Variants in CPNE4 observed in about 807,000 individuals in gnomAD.
CPNE4 encodes copine 4, also known as copine-4.
A neutral mutation model predicts 67.9 loss-of-function variants in CPNE4; 25 were observed. The ratio of observed to expected loss-of-function variants is 0.37; its 90% CI spans 0.27 to 0.51. The LOEUF (loss-of-function observed/expected upper bound fraction) is 0.51, where lower values mean the gene tolerates loss of function less well. Ranked by LOEUF, CPNE4 falls within the 20% of genes least tolerant of loss-of-function variation. The probability of loss-of-function intolerance (pLI) is 0.93; values close to 1 mark genes in which losing one functional copy is unlikely to be tolerated. For synonymous variants in CPNE4, 242 were observed against 244.9 expected, an observed-to-expected ratio of 0.99 and a Z score of 0.11; for missense variants, 464 against 690.8, an observed-to-expected ratio of 0.67 and a Z score of 3.68.
intron 2 of CPNE4, among the ~76,000 whole-genome samples, chr3:131,875,627 A>G (rs989211218): frequency 6.7e-6 from 1 of 149,168 alleles, no homozygotes; most frequent in Non-Finnish European, 1.5e-5. Flanking sequence ...TGGGAATTGA[A>G]CAATGTGAAC....
chr3:131,624,493 C>T (rs2079011461), intron 7 of CPNE4, among the ~76,000 whole-genome samples: 1 of 151,992 alleles, frequency 6.6e-6, no homozygotes, highest in African/African-American at 2.4e-5. Flanking sequence ...TTTTTTGTCC[C>T]TTCCTCAATT....
chr3:131,789,670 C>T (rs1452921043), intron 2 of CPNE4, among the ~76,000 whole-genome samples: 1 of 152,168 alleles, frequency 6.6e-6, no homozygotes, highest in Non-Finnish European at 1.5e-5. Context: ...TAAAACACCA[C>T]TGAAGAAATA....
At chr3:131,946,841 A>G (rs2071565657) in intron 1 of CPNE4, among the ~76,000 whole-genome samples, 2 of 152,042 alleles carry the variant, frequency 1.3e-5, no homozygotes, top group Admixed American at 1.3e-4. Flanking sequence ...TCTTATATTT[A>G]TTTAGGTGTG....
intron 2 of CPNE4, among the ~76,000 whole-genome samples, chr3:131,856,706 T>C (rs1341866968): frequency 3.3e-5 from 5 of 152,004 alleles, no homozygotes; most frequent in African/African-American, 1.2e-4. Flanking sequence ...CCTTCCTGGC[T>C]AACAATAAAA....
At chr3:131,829,144 C>G (rs2085276647) in intron 2 of CPNE4, among the ~76,000 whole-genome samples, 1 of 152,164 alleles carries the variant, frequency 6.6e-6, no homozygotes, top group Non-Finnish European at 1.5e-5. Context: ...GACTCATTCA[C>G]TATCACAAGA....
chr3:131,699,765 T>A, intron 4 of CPNE4, 144 bp downstream of exon 4: 1 of 467,362 alleles, frequency 2.1e-6, no homozygotes, highest in Middle Eastern at 4.4e-4. Flanking sequence ...GAAAGAAAAA[T>A]AAGGGAGTGA....
At chr3:132,003,167 G>A (rs201265171) in intron 1 of CPNE4, among the ~76,000 whole-genome samples, 2 of 151,722 alleles carry the variant, frequency 1.3e-5, no homozygotes, top group African/African-American at 4.8e-5. Context: ...GATATGGCTT[G>A]CGTATGCATT....
chr3:131,581,084 A>G (rs1937802640), intron 9 of CPNE4, among the ~76,000 whole-genome samples: 1 of 152,184 alleles, frequency 6.6e-6, no homozygotes, highest in African/African-American at 2.4e-5. Flanking sequence ...GAGGCAGAAG[A>G]ATCACTTGAA....
At chr3:131,672,733 A>G (rs1307618429) in intron 6 of CPNE4, among the ~76,000 whole-genome samples, 1 of 151,920 alleles carries the variant, frequency 6.6e-6, no homozygotes, top group Admixed American at 6.6e-5. Context: ...TCTTTTGGTT[A>G]TTAACCCCCT....
intron 2 of CPNE4, among the ~76,000 whole-genome samples, chr3:131,779,789 C>T (rs1459385149): frequency 3.3e-5 from 5 of 151,880 alleles, no homozygotes; most frequent in Admixed American, 1.3e-4. Flanking sequence ...GACTTCATGA[C>T]AAAAACTCCA....
At chr3:131,980,921 T>A (rs1235204935) in intron 1 of CPNE4, among the ~76,000 whole-genome samples, 1 of 152,178 alleles carries the variant, frequency 6.6e-6, no homozygotes, top group Non-Finnish European at 1.5e-5. Flanking sequence ...TTCCTATGGA[T>A]GCGGCTTCCT....
intron 2 of CPNE4, among the ~76,000 whole-genome samples, chr3:131,723,902 T>G (rs150760709): frequency 1.3e-5 from 2 of 152,176 alleles, no homozygotes; most frequent in Non-Finnish European, 2.9e-5. Flanking sequence ...TATATCATTA[T>G]GTCATTTTGT....
intron 1 of CPNE4, among the ~76,000 whole-genome samples, chr3:132,033,301 G>A (rs1186695351): frequency 1.3e-5 from 2 of 152,220 alleles, no homozygotes; most frequent in Non-Finnish European, 2.9e-5. Flanking sequence ...AGAGGATGAA[G>A]AGTTGGTTTT....
At chr3:131,786,694 G>A (rs1007191434) in intron 2 of CPNE4, among the ~76,000 whole-genome samples, 2 of 152,178 alleles carry the variant, frequency 1.3e-5, no homozygotes, top group Non-Finnish European at 2.9e-5. Context: ...ATGACATTGG[G>A]CAAGATAATT....
At chr3:131,540,390 C>T (rs58745134) in intron 15 of CPNE4, among the ~76,000 whole-genome samples, 4,860 of 152,284 alleles carry the variant, frequency 0.032, 261 homozygotes, top group African/African-American at 0.11. Flanking sequence ...TCAGCTGAGG[C>T]TGCTGAGCTG....
chr3:132,029,517 CCTT>C (rs1202428354), intron 1 of CPNE4, among the ~76,000 whole-genome samples: 1 of 152,194 alleles, frequency 6.6e-6, no homozygotes. Flanking sequence ...TCTAGTCCGT[CCTT>C]CTAGACTCAC....
chr3:132,038,535 A>C (rs1006286468), upstream of CPNE4, among the ~76,000 whole-genome samples: 5 of 152,210 alleles, frequency 3.3e-5, no homozygotes, highest in African/African-American at 9.6e-5. Flanking sequence ...GAGTGATGTT[A>C]TAAAGGCCAC....
At chr3:131,597,689 TC>T (rs1296598484) in intron 7 of CPNE4, among the ~76,000 whole-genome samples, 1 of 152,232 alleles carries the variant, frequency 6.6e-6, no homozygotes, top group African/African-American at 2.4e-5. Context: ...TCACAACTTA[TC>T]ATTTTTCCAG....
intron 2 of CPNE4, among the ~76,000 whole-genome samples, chr3:131,748,828 A>G (rs951947127): frequency 3.3e-5 from 5 of 151,986 alleles, no homozygotes; most frequent in African/African-American, 4.8e-5. Context: ...TTCATTCCTA[A>G]TTTTGATAAC....
Sources: gnomAD v4.1 joint callset for allele counts (sites outside exome capture counted in the v4.1 genomes callset) on GRCh38, gnomAD v4.1.1 for gene constraint, MANE v1.5 for transcripts, NCBI Gene and HGNC (gene_info 2026-07-23, HGNC 2026-07-21) for gene names.